Variants in UMAD1 observed in about 807,000 individuals in gnomAD.
The protein encoded by UMAD1 is UBAP1-MVB12-associated (UMA) domain containing 1.
A neutral mutation model predicts 6.1 loss-of-function variants in UMAD1; 8 were observed. The observed-to-expected ratio is 1.30, with a 90% CI of 0.76 to 2.35. UMAD1 has a LOEUF of 2.35. Among genes scored for constraint, UMAD1 ranks in the 30% most tolerant of loss-of-function variants. The probability of loss-of-function intolerance (pLI) is 0.00; values close to 1 mark genes in which losing one functional copy is unlikely to be tolerated. For missense variants in UMAD1, 130 were observed against 78.4 expected (o/e 1.66, Z -2.49); for synonymous variants, 56 against 31.4 (o/e 1.78, Z -2.61).
intron 3 of UMAD1, among the ~76,000 whole-genome samples, chr7:7,849,050 G>T (rs1783863391): frequency 6.6e-6 from 1 of 152,260 alleles, no homozygotes; most frequent in African/African-American, 2.4e-5. Context: ...GGATAATGCT[G>T]AGTATGATGG....
intron 1 of UMAD1, among the ~76,000 whole-genome samples, chr7:7,670,802 A>T (rs1157041006): frequency 6.6e-6 from 1 of 152,234 alleles, no homozygotes; most frequent in Admixed American, 6.5e-5. Context: ...ACAAAGGCGA[A>T]CAAAGGGAGA....
chr7:7,732,810 G>A (rs1781282359), intron 2 of UMAD1, among the ~76,000 whole-genome samples: 3 of 152,122 alleles, frequency 2.0e-5, no homozygotes, highest in Admixed American at 1.3e-4. Context: ...CTGAGTAGAT[G>A]GGCACTAAAA....
At chr7:7,661,576 C>T (rs1002580695) in intron 1 of UMAD1, among the ~76,000 whole-genome samples, 8 of 152,146 alleles carry the variant, frequency 5.3e-5, no homozygotes, top group Admixed American at 4.6e-4. Flanking sequence ...TGCTGCAGGT[C>T]TGCTGAAGTT....
chr7:7,866,126 C>A (rs145315267), intron 3 of UMAD1, among the ~76,000 whole-genome samples: 2 of 152,108 alleles, frequency 1.3e-5, no homozygotes, highest in African/African-American at 2.4e-5. Flanking sequence ...GAAACAAATG[C>A]AGGAATTGAG....
intron 1 of UMAD1, among the ~76,000 whole-genome samples, chr7:7,656,195 T>C (rs1167182380): frequency 2.6e-5 from 4 of 152,026 alleles, no homozygotes; most frequent in Admixed American, 6.6e-5. Flanking sequence ...GTATACACCA[T>C]TGTAAAAGCT....
intron 2 of UMAD1, among the ~76,000 whole-genome samples, chr7:7,789,617 TC>T (rs1782528942): frequency 9.9e-6 from 1 of 101,044 alleles, no homozygotes; most frequent in South Asian, 3.6e-4. Flanking sequence ...AAATACCCCT[TC>T]TCCCCTCCCC....
intron 1 of UMAD1, among the ~76,000 whole-genome samples, chr7:7,656,208 G>C (rs1291552500): frequency 6.6e-6 from 1 of 152,110 alleles, no homozygotes; most frequent in Non-Finnish European, 1.5e-5. Context: ...TAAAAGCTGC[G>C]TGGTTCTGAG....
chr7:7,704,666 G>C (rs1186360052), intron 2 of UMAD1, among the ~76,000 whole-genome samples: 4 of 146,742 alleles, frequency 2.7e-5, no homozygotes, highest in Non-Finnish European at 5.9e-5. Flanking sequence ...CATTCAGAAA[G>C]CTGAGGGTGA....
chr7:7,751,966 T>C (rs1250194963), intron 2 of UMAD1, among the ~76,000 whole-genome samples: 2 of 152,148 alleles, frequency 1.3e-5, no homozygotes, highest in African/African-American at 4.8e-5. Flanking sequence ...TAAAGGGAAA[T>C]TGAGTTGAGA....
chr7:7,787,285 T>C (rs1782479362), intron 2 of UMAD1, among the ~76,000 whole-genome samples: 1 of 103,558 alleles, frequency 9.7e-6, no homozygotes, highest in Admixed American at 1.1e-4. Context: ...AAGGAGTAAA[T>C]GTTTTTACTC....
intron 1 of UMAD1, among the ~76,000 whole-genome samples, chr7:7,655,819 GTC>G (rs146375851): frequency 1.3e-4 from 20 of 150,180 alleles, no homozygotes; most frequent in Non-Finnish European, 1.9e-4. Flanking sequence ...ATTTAGGACA[GTC>G]TCTCTCTCTC....
intron 2 of UMAD1, among the ~76,000 whole-genome samples, chr7:7,758,477 A>G (rs1253545279): frequency 6.6e-6 from 1 of 152,142 alleles, no homozygotes. Flanking sequence ...TACAACCAAC[A>G]TCCACATACC....
chr7:7,742,126 A>G, intron 2 of UMAD1: 1 of 619,146 alleles, frequency 1.6e-6, no homozygotes, highest in Non-Finnish European at 3.1e-6. Context: ...AAAGCATCGT[A>G]ATCAGGAGGC....
At chr7:7,801,620 C>A in intron 2 of UMAD1, 50 bp from the exon 3 acceptor site, 1 of 697,696 alleles carries the variant, frequency 1.4e-6, no homozygotes, top group Admixed American at 2.2e-5. Context: ...GTAGTTTGGC[C>A]TCAGTAATAT....
intron 3 of UMAD1, among the ~76,000 whole-genome samples, chr7:7,842,620 A>T (rs528671003): frequency 2.4e-3 from 364 of 151,276 alleles, no homozygotes; most frequent in African/African-American, 8.4e-3. Flanking sequence ...CTTTTTTTAA[A>T]AAAAAAAAAA....
At chr7:7,720,674 C>T (rs1781029403) in intron 2 of UMAD1, among the ~76,000 whole-genome samples, 2 of 151,960 alleles carry the variant, frequency 1.3e-5, no homozygotes, top group South Asian at 4.2e-4. Context: ...GTAGAAGAAG[C>T]CAATTTGTTT....
chr7:7,734,232 C>T (rs1476726739), intron 2 of UMAD1, among the ~76,000 whole-genome samples: 2 of 151,884 alleles, frequency 1.3e-5, no homozygotes. Flanking sequence ...GCTTTGAGCC[C>T]CCTGTGGTAT....
chr7:7,731,186 A>AG (rs369671274), intron 2 of UMAD1, among the ~76,000 whole-genome samples: 2,427 of 150,964 alleles, frequency 0.016, 53 homozygotes, highest in African/African-American at 0.054. Context: ...TTCAGTAGAG[A>AG]GGGGGGGGTT....
intron 2 of UMAD1, chr7:7,715,112 A>G (rs1185568011): frequency 2.6e-5 from 4 of 152,218 alleles, no homozygotes; most frequent in African/African-American, 9.6e-5. Context: ...ACTCTGAATT[A>G]TAGAATATCT....
Sources: allele counts gnomAD v4.1 joint callset (sites outside exome capture counted in the v4.1 genomes callset), GRCh38; gene constraint gnomAD v4.1.1; transcripts MANE v1.5; gene names NCBI Gene and HGNC (gene_info 2026-07-23, HGNC 2026-07-21).